Variants in TBC1D15 observed in about 807,000 individuals in gnomAD.
The protein encoded by TBC1D15 is GAP for RAB7.
TBC1D15 carries 39 observed loss-of-function variants against 95.4 expected under a neutral mutation model. The ratio of observed to expected loss-of-function variants is 0.41; its 90% CI spans 0.32 to 0.53. The LOEUF (loss-of-function observed/expected upper bound fraction) is 0.53, where lower values mean the gene tolerates loss of function less well. Among genes scored for constraint, TBC1D15 ranks in the 20% least tolerant of loss-of-function variants. The pLI, the probability that TBC1D15 is intolerant of heterozygous loss-of-function variation, is 0.29. For missense variants in TBC1D15, 733 were observed against 794.3 expected, an observed-to-expected ratio of 0.92 and a Z score of 0.93; for synonymous variants, 258 against 261.3, an observed-to-expected ratio of 0.99 and a Z score of 0.12.
chr12:71,891,379 A>T (rs539225109), intron 5 of TBC1D15, among the ~76,000 whole-genome samples: 1 of 152,308 alleles, frequency 6.6e-6, no homozygotes, highest in Non-Finnish European at 1.5e-5. Flanking sequence ...GGTTAGCATC[A>T]TTAAAAGTTC....
chr12:71,849,332 T>TAGG, intron 1 of TBC1D15: 1 of 1,256,392 alleles, frequency 8.0e-7, no homozygotes, highest in Non-Finnish European at 1.2e-6. Flanking sequence ...GAGGCTATCA[T>TAGG]AGGAGGCAAT....
chr12:71,856,249 C>G lies in TBC1D15; in HGVS notation c.31-15821C>G, dbSNP rs190638568. ...TATCTCAAATTAGTAAGTTGTTAGG[C>G]TTGGGGGTCTTATATAGACTTTTAG... On this transcript the variant is annotated intron_variant, in intron 1 of 16. Coordinates refer to ENST00000485960, the MANE Select transcript of TBC1D15 (RefSeq NM_001146213.3). Among the ~76,000 whole-genome samples the G allele has an allele frequency of 5.4e-3, 825 of 152,230 alleles. 7 individuals are homozygous for G. Among genetic ancestry groups the G allele is most frequent in the African/African-American group, 0.019 (802 of 41,538 alleles).
intron 4 of TBC1D15, among the ~76,000 whole-genome samples, chr12:71,883,857 A>G (rs1035667046): frequency 6.6e-6 from 1 of 152,182 alleles, no homozygotes; most frequent in African/African-American, 2.4e-5. Flanking sequence ...AACTAGCATC[A>G]TTAGTGAGAA....
intron 12 of TBC1D15, among the ~76,000 whole-genome samples, chr12:71,914,642 G>A (rs2030210911): frequency 1.3e-5 from 2 of 151,986 alleles, no homozygotes. Context: ...TGACTACATA[G>A]AGGTTGCTGT....
intron 5 of TBC1D15, among the ~76,000 whole-genome samples, chr12:71,891,162 A>C (rs1225199292): frequency 6.6e-6 from 1 of 152,170 alleles, no homozygotes; most frequent in Non-Finnish European, 1.5e-5. Flanking sequence ...GGTCATTCTC[A>C]ATAGAAATAT....
At chr12:71,881,646 G>T (rs1385137296) in intron 4 of TBC1D15, among the ~76,000 whole-genome samples, 1 of 152,114 alleles carries the variant, frequency 6.6e-6, no homozygotes, top group Non-Finnish European at 1.5e-5. Context: ...GGCCGGGCGC[G>T]GTGGCTCACT....
intron 13 of TBC1D15, 151 bp from the exon 14 acceptor site, chr12:71,918,300 C>T: frequency 2.0e-6 from 1 of 504,206 alleles, no homozygotes; most frequent in East Asian, 3.2e-5. Flanking sequence ...AGAAGTCAGC[C>T]TTCAAGTTTG....
chr12:71,912,456 T>C (rs759822620), intron 11 of TBC1D15, among the ~76,000 whole-genome samples: 5 of 152,158 alleles, frequency 3.3e-5, no homozygotes, highest in Non-Finnish European at 4.4e-5. Flanking sequence ...GGTAAGATGA[T>C]TGGACAGAGG....
intron 3 of TBC1D15, among the ~76,000 whole-genome samples, 155 bp downstream of exon 3, chr12:71,873,158 A>G (rs1269701114): frequency 6.6e-6 from 1 of 152,208 alleles, no homozygotes; most frequent in Non-Finnish European, 1.5e-5. Context: ...ATCCACCAGT[A>G]TCTAATTTTA....
chr12:71,897,826 A>T, intron 9 of TBC1D15, 21 bp from the exon 10 acceptor site: 1 of 1,583,542 alleles, frequency 6.3e-7, no homozygotes, highest in Non-Finnish European at 8.7e-7. Flanking sequence ...GCTTTCTTTG[A>T]TGTCAAATTG....
At chr12:71,840,364 C>T (rs1017384285) in intron 1 of TBC1D15, among the ~76,000 whole-genome samples, 2 of 151,986 alleles carry the variant, frequency 1.3e-5, no homozygotes, top group East Asian at 1.9e-4. Flanking sequence ...AGCAGCAGGA[C>T]GTGTTTCCTG....
At chr12:71,865,118 G>C (rs1891207864) in intron 1 of TBC1D15, among the ~76,000 whole-genome samples, 1 of 152,170 alleles carries the variant, frequency 6.6e-6, no homozygotes, top group Admixed American at 6.5e-5. Context: ...TCTATGTGTA[G>C]GTGCTTGGAG....
chr12:71,908,939 G>C (rs1401402185), intron 11 of TBC1D15, among the ~76,000 whole-genome samples: 1 of 152,096 alleles, frequency 6.6e-6, no homozygotes, highest in Admixed American at 6.5e-5. Context: ...TCAAACTCTT[G>C]CCATTTATTT....
At chr12:71,891,796 T>C (rs1298650603) in intron 5 of TBC1D15, among the ~76,000 whole-genome samples, 1 of 152,148 alleles carries the variant, frequency 6.6e-6, no homozygotes, top group Non-Finnish European at 1.5e-5. Context: ...ATCTCCAGTT[T>C]AGTGGCCACT....
At chr12:71,842,113 C>T (rs1016932947) in intron 1 of TBC1D15, among the ~76,000 whole-genome samples, 4 of 152,166 alleles carry the variant, frequency 2.6e-5, no homozygotes, top group Non-Finnish European at 5.9e-5. Flanking sequence ...GCTACCAGCT[C>T]TGTTGAATTA....
intron 1 of TBC1D15, among the ~76,000 whole-genome samples, chr12:71,856,706 C>T (rs1889164332): frequency 6.6e-6 from 1 of 152,096 alleles, no homozygotes; most frequent in Non-Finnish European, 1.5e-5. Flanking sequence ...TACAGAGGAC[C>T]TACTCATGTT....
At chr12:71,851,511 C>T (rs1189469139) in intron 1 of TBC1D15, among the ~76,000 whole-genome samples, 1 of 152,208 alleles carries the variant, frequency 6.6e-6, no homozygotes. Flanking sequence ...TCCAAAGTCT[C>T]ATCTGAGCCA....
chr12:71,870,701 C>T (rs1319086302), intron 1 of TBC1D15, among the ~76,000 whole-genome samples: 2 of 152,188 alleles, frequency 1.3e-5, no homozygotes, highest in Non-Finnish European at 2.9e-5. Flanking sequence ...AGTTATTTCA[C>T]CACTTTCAGT....
intron 1 of TBC1D15, among the ~76,000 whole-genome samples, chr12:71,856,571 T>A (rs79738352): frequency 0.015 from 2,259 of 152,230 alleles, 58 homozygotes; most frequent in African/African-American, 0.052. Context: ...GGATATATAT[T>A]TTTTTCTTTT....
Sources: allele counts gnomAD v4.1 joint callset (sites outside exome capture counted in the v4.1 genomes callset), GRCh38; gene constraint gnomAD v4.1.1; transcripts MANE v1.5; gene names NCBI Gene and HGNC (gene_info 2026-07-23, HGNC 2026-07-21).